Variants in STK10 observed in about 807,000 individuals in gnomAD.
STK10 encodes serine/threonine-protein kinase 10.
In STK10, 78 loss-of-function variants were observed where a neutral mutation model predicts 113.8. That is an observed-to-expected ratio of 0.69 (90% CI 0.57 to 0.83). The LOEUF is 0.83. Among genes scored for constraint, STK10 ranks in the 40% least tolerant of loss-of-function variants. The pLI is 0.00. For synonymous variants in STK10, 465 were observed against 494.7 expected, an observed-to-expected ratio of 0.94 and a Z score of 0.80; for missense variants, 1,109 against 1,280.1, an observed-to-expected ratio of 0.87 and a Z score of 2.04.
chr5:172,117,050 G>A (rs752201279), intron 4 of STK10, among the ~76,000 whole-genome samples: 1 of 151,956 alleles, frequency 6.6e-6, no homozygotes, highest in African/African-American at 2.4e-5. Context: ...AGGCCAAGGC[G>A]GGCAGATCAC....
chr5:172,175,546 G>A (rs1770744526), intron 1 of STK10, among the ~76,000 whole-genome samples: 1 of 151,882 alleles, frequency 6.6e-6, no homozygotes, highest in Non-Finnish European at 1.5e-5. Context: ...TCCCCGCCCT[G>A]ACACCCGCCC....
chr5:172,047,284 C>T (rs1428108230), intron 18 of STK10, among the ~76,000 whole-genome samples: 1 of 152,240 alleles, frequency 6.6e-6, no homozygotes, highest in Non-Finnish European at 1.5e-5. Flanking sequence ...CAACTGCACA[C>T]TCGTGGTGCC....
chr5:172,084,039 T>C (rs1373100150), intron 10 of STK10, among the ~76,000 whole-genome samples: 2 of 151,966 alleles, frequency 1.3e-5, no homozygotes, highest in South Asian at 2.1e-4. Flanking sequence ...ATTGATATGA[T>C]GGAATTCTAT....
At position 172,067,782 on chromosome 5, in the gene STK10, G is replaced by C. The variant is rs559517609; in HGVS notation, c.1990-2970C>G. Among the ~76,000 whole-genome samples, 28 of 151,984 alleles carry C rather than the reference G, an allele frequency of 1.8e-4. No homozygotes were observed. In the South Asian group the frequency reaches 5.8e-3, roughly 32 times the overall value. ...AAGATTATATAATATGAATGATAGA[G>C]AGAAAAAAAGATGAAAAAGAGGAAG... On this transcript the variant is annotated intron_variant, in intron 12 of 18. Transcript: ENST00000176763.
chr5:172,107,499 T>C (rs1769141153), intron 5 of STK10, among the ~76,000 whole-genome samples: 1 of 152,182 alleles, frequency 6.6e-6, no homozygotes. Flanking sequence ...GTTTTATGGA[T>C]TCTAGTTCAG....
intron 1 of STK10, among the ~76,000 whole-genome samples, chr5:172,185,268 T>G (rs893181463): frequency 6.6e-5 from 10 of 151,702 alleles, no homozygotes; most frequent in African/African-American, 2.4e-4. Flanking sequence ...CATATGTTTG[T>G]TTTGTTTTGT....
intron 4 of STK10, among the ~76,000 whole-genome samples, chr5:172,117,047 G>A (rs1035234312): frequency 6.6e-6 from 1 of 152,124 alleles, no homozygotes; most frequent in African/African-American, 2.4e-5. Flanking sequence ...GGGAGGCCAA[G>A]GCGGGCAGAT....
Position 172,045,028 on chromosome 5 carries a change from G to A in STK10, c.2767-6C>T. 1 of 1,613,950 alleles carries A rather than the reference G, an allele frequency of 6.2e-7. No homozygotes were observed. Among genetic ancestry groups the A allele is most frequent in the Middle Eastern group, 1.7e-4 (1 of 6,060 alleles). ...TTCAGATCCTCTTCCAGAGCCTAGG[G>A]AAGAGAGAGGATGGATGGCACTTGG... On this transcript the variant is annotated splice_region_variant and splice_polypyrimidine_tract_variant and intron_variant, in intron 18 of 18. Transcript: ENST00000176763.
At chr5:172,118,010 CAA>C (rs57672334) in intron 3 of STK10, among the ~76,000 whole-genome samples, 3,344 of 69,722 alleles carry the variant, frequency 0.048, 87 homozygotes, top group African/African-American at 0.14. Context: ...TACTCCATCT[CAA>C]AAAAAAAAAA....
chr5:172,117,936 C>A (rs1004654579), intron 3 of STK10, among the ~76,000 whole-genome samples: 1 of 147,798 alleles, frequency 6.8e-6, no homozygotes, highest in African/African-American at 2.5e-5. Context: ...TTGCTTGAAC[C>A]TGGGCAGCAG....
In STK10 at chr5:172,096,432, G is replaced by A. The variant is rs4868141; in HGVS notation, c.999C>T (p.Ala333=). 0.18 allele frequency: 296,740 copies of A among 1,611,952 alleles called. 28,489 individuals carry two copies. The highest frequency in any genetic ancestry group is 0.23 in the Admixed American group (13,939 of 59,994). Reference sequence around the variant, plus strand: ...CCACTCTCCCTGGCCTTACGGAGGCGGCATCCACGGCGTCCTCCTCTTCCC... The same window carrying A: ...CCACTCTCCCTGGCCTTACGGAGGCAGCATCCACGGCGTCCTCCTCTTCCC... The part of the protein sequence containing the change: ...DEGEEEDAVD[A]ASTLENHTQN... The change falls in exon 8 of 19, where the codon GCC becomes GCT. Residue 333 remains alanine, a synonymous_variant. Coordinates refer to ENST00000176763, the MANE Select transcript of STK10 (RefSeq NM_005990.4).
At chr5:172,066,478 A>T (rs549431152) in intron 12 of STK10, among the ~76,000 whole-genome samples, 1 of 152,334 alleles carries the variant, frequency 6.6e-6, no homozygotes, top group South Asian at 2.1e-4. Flanking sequence ...TGAGTATGGG[A>T]TGAATCCCAA....
intron 1 of STK10, among the ~76,000 whole-genome samples, chr5:172,165,793 C>CT (rs3028106): frequency 7.1e-4 from 105 of 148,492 alleles, no homozygotes; most frequent in Middle Eastern, 3.5e-3. Flanking sequence ...TGGTTGTTTG[C>CT]TTTTTTTTTT....
intron 2 of STK10, among the ~76,000 whole-genome samples, chr5:172,132,082 A>G (rs190067893): frequency 1.3e-5 from 2 of 152,296 alleles, no homozygotes; most frequent in East Asian, 3.9e-4. Flanking sequence ...ATAAATTTCT[A>G]TTGTTTACAA....
chr5:172,051,684 C>G (rs980441046), intron 18 of STK10, among the ~76,000 whole-genome samples: 3 of 151,994 alleles, frequency 2.0e-5, no homozygotes, highest in Non-Finnish European at 4.4e-5. Flanking sequence ...TGCAAAGGGG[C>G]TAGTGACAGA....
intron 12 of STK10, among the ~76,000 whole-genome samples, chr5:172,065,061 G>A (rs935147304): frequency 1.3e-4 from 20 of 152,144 alleles, no homozygotes; most frequent in African/African-American, 2.2e-4. Context: ...CAGCAGCTTG[G>A]TATCCACCCC....
intron 12 of STK10, among the ~76,000 whole-genome samples, chr5:172,078,538 T>C (rs1581143903): frequency 7.0e-6 from 1 of 143,226 alleles, no homozygotes. Context: ...CTCAGGAGGC[T>C]GGAGCAGGAG....
Position 172,117,475 on chromosome 5 carries a change from C to T in STK10, c.520+6G>A. ...GGCTCCACCTTTCCCACCCTGAGCC[C>T]CTTACCCAGCCTGATGTCTCCCTCG... On this transcript the variant is annotated splice_donor_region_variant and intron_variant, in intron 4 of 18. Coordinates refer to ENST00000176763, the MANE Select transcript of STK10 (RefSeq NM_005990.4). 3 of 1,610,256 alleles carry T rather than the reference C, an allele frequency of 1.9e-6. No homozygotes were observed. The highest frequency in any genetic ancestry group is 2.5e-6 in the Non-Finnish European group (3 of 1,179,866).
At chr5:172,141,905 T>A (rs897098304) in intron 2 of STK10, among the ~76,000 whole-genome samples, 1 of 152,086 alleles carries the variant, frequency 6.6e-6, no homozygotes, top group Non-Finnish European at 1.5e-5. Flanking sequence ...CGTGTAAGGG[T>A]TGGGGCCTTG....
Sources: gnomAD v4.1 joint callset for allele counts (sites outside exome capture counted in the v4.1 genomes callset) on GRCh38, gnomAD v4.1.1 for gene constraint, MANE v1.5 for transcripts, NCBI Gene and HGNC (gene_info 2026-07-23, HGNC 2026-07-21) for gene names.